The following PTPRD variants were observed in gnomAD, a reference collection of about 807,000 sequenced individuals.
The protein encoded by PTPRD is receptor-type tyrosine-protein phosphatase delta.
A neutral mutation model predicts 214.5 loss-of-function variants in PTPRD; 34 were observed. That is an observed-to-expected ratio of 0.16 (90% CI 0.12 to 0.21). PTPRD has a LOEUF of 0.21. Ranked by LOEUF, PTPRD falls within the 10% of genes least tolerant of loss-of-function variation. PTPRD has a pLI of 1.00. For synonymous variants in PTPRD, 1,128 were observed against 845.7 expected (o/e 1.33, Z -5.79); for missense variants, 2,545 against 2,398.7 (o/e 1.06, Z -1.27).
At chr9:9,140,753 T>C (rs914429171) in intron 10 of PTPRD, among the ~76,000 whole-genome samples, 1 of 152,132 alleles carries the variant, frequency 6.6e-6, no homozygotes, top group African/African-American at 2.4e-5. Flanking sequence ...TAATTTTTTG[T>C]GTTTTTAGTA....
intron 11 of PTPRD, among the ~76,000 whole-genome samples, chr9:8,907,529 A>AT (rs1555505700): frequency 6.0e-5 from 8 of 133,164 alleles, no homozygotes; most frequent in African/African-American, 2.2e-4. Flanking sequence ...AAAAAAAAAA[A>AT]AAAAATATAT....
At chr9:9,130,027 C>G (rs557741998) in intron 10 of PTPRD, among the ~76,000 whole-genome samples, 2 of 152,160 alleles carry the variant, frequency 1.3e-5, no homozygotes, top group East Asian at 3.9e-4. Context: ...ATAATAGGCT[C>G]TTAATGTTAT....
rs2097083028 is a variant in PTPRD at position 9,681,983 on chromosome 9, CCTTGAACTTT to C, written c.-287+52540_-287+52549del. 2.0e-5 allele frequency among the ~76,000 whole-genome samples: 3 copies of C among 151,774 alleles called. No homozygotes were observed. In the Admixed American group the frequency reaches 2.0e-4, roughly 10 times the overall value. ...ATTCTAGAGATTAGGAAAGACATCA[CCTTGAACTTT>C]CTCATCATTACCCACTCTCTTTCTC... is the stretch of plus-strand genomic sequence containing the variant. On this transcript the variant is annotated intron_variant, in intron 7 of 45. Coordinates refer to ENST00000381196, the MANE Select transcript of PTPRD (RefSeq NM_002839.4).
chr9:8,645,245 C>T (rs1216395543), intron 12 of PTPRD, among the ~76,000 whole-genome samples: 3 of 152,038 alleles, frequency 2.0e-5, no homozygotes, highest in Admixed American at 6.5e-5. Flanking sequence ...TAACATCATC[C>T]CAGGATCCAA....
At chr9:9,063,488 A>C (rs563723922) in intron 10 of PTPRD, among the ~76,000 whole-genome samples, 1 of 152,282 alleles carries the variant, frequency 6.6e-6, no homozygotes, top group South Asian at 2.1e-4. Context: ...CAAGTACTGT[A>C]GTATGTAATC....
intron 35 of PTPRD, among the ~76,000 whole-genome samples, chr9:8,416,320 TA>T (rs1247219787): frequency 6.6e-6 from 1 of 152,154 alleles, no homozygotes; most frequent in Non-Finnish European, 1.5e-5. Flanking sequence ...CACACACATA[TA>T]AAAACCTAGA....
chr9:8,515,034 C>G (rs939776858), intron 21 of PTPRD, among the ~76,000 whole-genome samples: 46 of 152,286 alleles, frequency 3.0e-4, no homozygotes, highest in African/African-American at 1.1e-3. Flanking sequence ...CTCTCCCTAG[C>G]CATGTGAAAT....
At position 9,402,596 on chromosome 9, in the gene PTPRD, G is replaced by C. The variant is rs572517053; in HGVS notation, c.-236-5114C>G. 2.6e-5 allele frequency among the ~76,000 whole-genome samples: 4 copies of C among 152,160 alleles called. No individual in the cohort carries two copies. In the South Asian group the frequency reaches 8.3e-4, roughly 32 times the overall value. ...TAAAACACATGAGGAAATCTTGAGTGAAAGTCAGTACAAGGATCAAGATCA... is the reference window on the plus strand; with the variant it reads ...TAAAACACATGAGGAAATCTTGAGTCAAAGTCAGTACAAGGATCAAGATCA... On this transcript the variant is annotated intron_variant, in intron 8 of 45. Transcript: ENST00000381196.
intron 4 of PTPRD, among the ~76,000 whole-genome samples, chr9:9,980,209 G>A (rs1355007893): frequency 6.6e-6 from 1 of 151,996 alleles, no homozygotes; most frequent in Non-Finnish European, 1.5e-5. Flanking sequence ...GATTACCGTA[G>A]TAGAAAGTTA....
At chr9:10,345,087 T>C (rs1228209828) in intron 2 of PTPRD, among the ~76,000 whole-genome samples, 1 of 152,154 alleles carries the variant, frequency 6.6e-6, no homozygotes, top group Non-Finnish European at 1.5e-5. Context: ...ATCTTTTTGG[T>C]ATGCTGATGA....
intron 43 of PTPRD, among the ~76,000 whole-genome samples, chr9:8,333,121 C>G (rs575020594): frequency 5.3e-4 from 81 of 152,204 alleles, no homozygotes; most frequent in Admixed American, 5.2e-3. Context: ...GAAGATGACA[C>G]CAAGTGTGTG....
chr9:8,954,623 G>A (rs2099121598), intron 11 of PTPRD, among the ~76,000 whole-genome samples: 2 of 151,868 alleles, frequency 1.3e-5, no homozygotes, highest in South Asian at 4.1e-4. Context: ...TTGGGCTGTG[G>A]AGAGCTGTTC....
intron 3 of PTPRD, among the ~76,000 whole-genome samples, chr9:10,254,485 G>A (rs183499377): frequency 1.3e-5 from 2 of 151,866 alleles, no homozygotes; most frequent in Admixed American, 6.6e-5. Context: ...TGGCCATCTC[G>A]GTGTGCATGA....
At chr9:8,589,171 C>T (rs1594690089) in intron 14 of PTPRD, among the ~76,000 whole-genome samples, 1 of 152,126 alleles carries the variant, frequency 6.6e-6, no homozygotes, top group East Asian at 1.9e-4. Context: ...TTTATTCTGG[C>T]TAACCTTTAC....
At chr9:8,690,696 G>GA (rs958565047) in intron 12 of PTPRD, among the ~76,000 whole-genome samples, 2 of 151,748 alleles carry the variant, frequency 1.3e-5, no homozygotes, top group Non-Finnish European at 2.9e-5. Context: ...GGGGGAGAAT[G>GA]AAAAACAAAA....
At chr9:8,716,332 T>C (rs1353584375) in intron 12 of PTPRD, among the ~76,000 whole-genome samples, 1 of 152,238 alleles carries the variant, frequency 6.6e-6, no homozygotes, top group African/African-American at 2.4e-5. Context: ...TATGTAATTG[T>C]GGTTAAAGTA....
intron 8 of PTPRD, among the ~76,000 whole-genome samples, chr9:9,460,938 G>A (rs544577325): frequency 6.6e-6 from 1 of 151,962 alleles, no homozygotes; most frequent in African/African-American, 2.4e-5. Context: ...TCCGTCAGTG[G>A]TTGACTGGAT....
intron 2 of PTPRD, among the ~76,000 whole-genome samples, chr9:10,434,401 C>G (rs1029877798): frequency 1.3e-5 from 2 of 151,836 alleles, no homozygotes; most frequent in African/African-American, 4.8e-5. Context: ...ATAGTCAACT[C>G]TTAAGAAAAT....
chr9:10,205,650 G>T (rs1445503112), intron 3 of PTPRD, among the ~76,000 whole-genome samples: 2 of 151,976 alleles, frequency 1.3e-5, no homozygotes, highest in South Asian at 2.1e-4. Context: ...CAAATGATCC[G>T]CCTGCCTTGG....
Sources: allele counts gnomAD v4.1 joint callset (sites outside exome capture counted in the v4.1 genomes callset), GRCh38; gene constraint gnomAD v4.1.1; transcripts MANE v1.5; gene names NCBI Gene and HGNC (gene_info 2026-07-23, HGNC 2026-07-21).